CSGALNACT1: variants seen among roughly 807,000 people sequenced by gnomAD.
The protein encoded by CSGALNACT1 is chondroitin sulfate N-acetylgalactosaminyltransferase 1, also known as beta4GalNAcT-1.
A neutral mutation model predicts 51.0 loss-of-function variants in CSGALNACT1; 52 were observed. The observed-to-expected ratio is 1.02, with a 90% confidence interval of 0.82 to 1.29. The LOEUF (loss-of-function observed/expected upper bound fraction) is 1.29, where lower values mean the gene tolerates loss of function less well. Ranked by LOEUF, CSGALNACT1 falls within the 50% of genes most tolerant of loss-of-function variation. The probability of loss-of-function intolerance (pLI) is 0.00; values close to 1 mark genes in which losing one functional copy is unlikely to be tolerated. For synonymous variants in CSGALNACT1, 341 were observed against 254.4 expected, an observed-to-expected ratio of 1.34 and a Z score of -3.24; for missense variants, 935 against 679.2, an observed-to-expected ratio of 1.38 and a Z score of -4.19.
intron 3 of CSGALNACT1, among the ~76,000 whole-genome samples, chr8:19,518,582 C>A (rs974899121): frequency 6.6e-6 from 1 of 152,196 alleles, no homozygotes; most frequent in African/African-American, 2.4e-5. Flanking sequence ...GCCACTCAGT[C>A]CTTTTTCTGC....
intron 3 of CSGALNACT1, among the ~76,000 whole-genome samples, chr8:19,583,176 T>C (rs894651911): frequency 3.3e-5 from 5 of 151,850 alleles, no homozygotes; most frequent in Admixed American, 2.0e-4. Context: ...ATACCTTTTT[T>C]TAAAAAAAAA....
chr8:19,519,562 C>T (rs913892579), intron 3 of CSGALNACT1, among the ~76,000 whole-genome samples: 14 of 152,254 alleles, frequency 9.2e-5, no homozygotes, highest in African/African-American at 3.4e-4. Flanking sequence ...AAAACATCAC[C>T]TCTAAACAGA....
intron 3 of CSGALNACT1, among the ~76,000 whole-genome samples, chr8:19,529,584 A>G (rs551132596): frequency 6.6e-6 from 1 of 152,354 alleles, no homozygotes; most frequent in East Asian, 1.9e-4. Flanking sequence ...TCAAATACGT[A>G]TCAATATCAA....
intron 3 of CSGALNACT1, among the ~76,000 whole-genome samples, chr8:19,518,821 C>T (rs1423228463): frequency 6.6e-6 from 1 of 152,136 alleles, no homozygotes; most frequent in Non-Finnish European, 1.5e-5. Flanking sequence ...AGACATCAGC[C>T]ACAAGGCACG....
rs200367496 is a variant in CSGALNACT1 at position 19,651,929 on chromosome 8, TG to T, written c.-544+30543del. ...CCTCGCTGTCTGTTTTTTTTTGTTT[TG>T]TTTTGTTTTGACTTTTTTTAGACAG... On this transcript the variant is annotated intron_variant, in intron 1 of 9. Transcript: ENST00000332246. Among the ~76,000 whole-genome samples, 1,027 of 104,550 alleles carry T rather than the reference TG, an allele frequency of 9.8e-3. 13 individuals carry two copies. The highest frequency in any genetic ancestry group is 0.028 in the African/African-American group (904 of 32,532). 68.6% of individuals were successfully genotyped at this position (104,550 alleles called of 152,430 possible). A position where few individuals can be genotyped will look rare whatever the true frequency, so the allele number is the denominator to read the frequency against.
intron 8 of CSGALNACT1, among the ~76,000 whole-genome samples, chr8:19,418,099 T>G (rs2057243125): frequency 6.6e-6 from 1 of 152,144 alleles, no homozygotes; most frequent in Non-Finnish European, 1.5e-5. Flanking sequence ...AGTGACACCT[T>G]TAATGCTAAC....
intron 3 of CSGALNACT1, among the ~76,000 whole-genome samples, chr8:19,539,233 C>A (rs1436818467): frequency 6.6e-6 from 1 of 152,124 alleles, no homozygotes; most frequent in African/African-American, 2.4e-5. Flanking sequence ...AGCAAACTTG[C>A]AGTACACAAT....
exon 6 of CSGALNACT1, chr8:19,439,885 A>C: frequency 6.2e-7 from 1 of 1,614,192 alleles, no homozygotes; most frequent in Non-Finnish European, 8.5e-7. Flanking sequence ...TTCCCAAAGT[A>C]AACAACAGTG....
intron 1 of CSGALNACT1, among the ~76,000 whole-genome samples, chr8:19,639,941 G>A (rs756997768): frequency 6.6e-6 from 1 of 150,410 alleles, no homozygotes; most frequent in Non-Finnish European, 1.5e-5. Flanking sequence ...GAATGCAGTG[G>A]TACAATCACT....
chr8:19,548,923 A>T (rs1330857401), intron 3 of CSGALNACT1, among the ~76,000 whole-genome samples: 3 of 152,070 alleles, frequency 2.0e-5, no homozygotes, highest in Non-Finnish European at 4.4e-5. Flanking sequence ...GGCTCAAACG[A>T]TCCTCCTGCC....
chr8:19,449,149 G>C (rs1035526004), intron 5 of CSGALNACT1, among the ~76,000 whole-genome samples: 9 of 152,126 alleles, frequency 5.9e-5, no homozygotes, highest in African/African-American at 2.2e-4. Flanking sequence ...AATAGAAAAT[G>C]AGATCATTTT....
chr8:19,439,919 A>G, exon 6 of CSGALNACT1: 5 of 1,614,016 alleles, frequency 3.1e-6, no homozygotes, highest in Non-Finnish European at 3.4e-6. Flanking sequence ...CATCCTGCTC[A>G]ATGCACATCT....
intron 1 of CSGALNACT1, among the ~76,000 whole-genome samples, chr8:19,665,097 T>C (rs1209146109): frequency 3.3e-5 from 5 of 152,198 alleles, no homozygotes; most frequent in Admixed American, 3.3e-4. Context: ...CACTGCAACC[T>C]CTAACTCCCA....
At chr8:19,478,155 C>T (rs941692294) in intron 4 of CSGALNACT1, among the ~76,000 whole-genome samples, 2 of 152,028 alleles carry the variant, frequency 1.3e-5, no homozygotes. Context: ...TGGCTCACGC[C>T]TGTAATCTCA....
chr8:19,493,290 C>T (rs772191999), intron 4 of CSGALNACT1, among the ~76,000 whole-genome samples: 2 of 152,078 alleles, frequency 1.3e-5, no homozygotes, highest in African/African-American at 2.4e-5. Flanking sequence ...AGTTTCCACT[C>T]TTTTTTGGGG....
At chr8:19,691,769 G>A (rs1356119745) in intron 1 of CSGALNACT1, among the ~76,000 whole-genome samples, 1 of 152,156 alleles carries the variant, frequency 6.6e-6, no homozygotes, top group Admixed American at 6.5e-5. Flanking sequence ...AACACTGTAA[G>A]AGCCACACAC....
In CSGALNACT1 at chr8:19,491,908, T is replaced by C. The variant is rs6999593; in HGVS notation, c.634+13293A>G. Among the ~76,000 whole-genome samples, 749 of 152,238 alleles carry C rather than the reference T, an allele frequency of 4.9e-3. 9 individuals carry two copies. Among genetic ancestry groups the C allele is most frequent in the Non-Finnish European group, 8.6e-3 (588 of 68,012 alleles). On this transcript the variant is annotated intron_variant, in intron 4 of 9. Coordinates refer to ENST00000454498, the Ensembl canonical transcript of CSGALNACT1. ...CACAGAATTAGCAATTTTTCAAGCA[T>C]TGCAGTGCAAATTAGTATGTGGGTA...
chr8:19,547,424 G>A (rs1363223326), intron 3 of CSGALNACT1, among the ~76,000 whole-genome samples: 1 of 122,292 alleles, frequency 8.2e-6, no homozygotes, highest in East Asian at 2.5e-4. Flanking sequence ...GACCCAGTGG[G>A]AGATAACTGA....
intron 3 of CSGALNACT1, among the ~76,000 whole-genome samples, chr8:19,531,198 A>G (rs1306148986): frequency 6.6e-6 from 1 of 152,228 alleles, no homozygotes; most frequent in Admixed American, 6.5e-5. Flanking sequence ...AGGGAGGCAG[A>G]TATCTATCAT....
Sources: allele counts gnomAD v4.1 joint callset (sites outside exome capture counted in the v4.1 genomes callset), GRCh38; gene constraint gnomAD v4.1.1; transcripts MANE v1.5; gene names NCBI Gene and HGNC (gene_info 2026-07-23, HGNC 2026-07-21).